Variants in BRAF observed in about 807,000 individuals in gnomAD.
BRAF encodes the protein serine/threonine-protein kinase B-raf.
Under a neutral mutation model 104.6 loss-of-function variants are expected in BRAF, and 16 were observed. That is an observed-to-expected ratio of 0.15 (90% CI 0.10 to 0.23). The LOEUF is 0.23. Ranked by LOEUF, BRAF falls within the 10% of genes least tolerant of loss-of-function variation. The pLI, the probability that BRAF is intolerant of heterozygous loss-of-function variation, is 1.00. For missense variants in BRAF, 541 were observed against 937.3 expected (o/e 0.58, Z 5.52); for synonymous variants, 310 against 341.6 (o/e 0.91, Z 1.02).
chr7:140,832,550 C>T (rs1390817625), intron 3 of BRAF, among the ~76,000 whole-genome samples: 1 of 152,124 alleles, frequency 6.6e-6, no homozygotes, highest in African/African-American at 2.4e-5. Flanking sequence ...AAATAACGTT[C>T]TTGAAAGAGT....
In BRAF at chr7:140,794,436, T is replaced by C. The variant is rs756332987; in HGVS notation, c.1012A>G (p.Lys338Glu). Residue 338 changes from lysine to glutamate, a missense_variant, in exon 8 of 20, where the codon AAA becomes GAA. Coordinates refer to ENST00000644969, the MANE Select transcript of BRAF (RefSeq NM_001374258.1). ...AAGGGCTGTGGAATTGGAATGGATT[T>C]TGAAGGAGACGGACTGGTGAGAATT... is the stretch of plus-strand genomic sequence containing the variant. The part of the protein sequence containing the change: ...PQILTSPSPS[K>E]SIPIPQPFRP... 21 of 1,614,080 alleles carry C rather than the reference T, an allele frequency of 1.3e-5. No homozygotes were observed. The South Asian group carries it at 2.3e-4, about 18-fold the overall frequency.
At chr7:140,891,069 T>C (rs1159158385) in intron 1 of BRAF, among the ~76,000 whole-genome samples, 1 of 152,148 alleles carries the variant, frequency 6.6e-6, no homozygotes, top group Admixed American at 6.6e-5. Context: ...ACAGTAGAGG[T>C]ATACAGTTAT....
At chr7:140,767,118 C>G (rs1002099422) in intron 14 of BRAF, among the ~76,000 whole-genome samples, 1 of 152,112 alleles carries the variant, frequency 6.6e-6, no homozygotes, top group East Asian at 1.9e-4. Context: ...ATCCACTTGT[C>G]TCAGCTTCCC....
At chr7:140,788,702 C>T (rs534309977) in intron 8 of BRAF, among the ~76,000 whole-genome samples, 193 of 152,080 alleles carry the variant, frequency 1.3e-3, no homozygotes, top group African/African-American at 4.4e-3. Context: ...GATCCTCCTG[C>T]CTCAGCCTCC....
chr7:140,772,769 G>A (rs1799977847), intron 14 of BRAF, among the ~76,000 whole-genome samples: 1 of 152,130 alleles, frequency 6.6e-6, no homozygotes, highest in African/African-American at 2.4e-5. Context: ...AACTTGGTTT[G>A]TAAAAAATTT....
intron 1 of BRAF, among the ~76,000 whole-genome samples, chr7:140,873,151 C>A (rs1811805190): frequency 6.9e-6 from 1 of 144,040 alleles, no homozygotes; most frequent in South Asian, 2.3e-4. Flanking sequence ...TGAGTAAGAA[C>A]ATCACAGTCT....
chr7:140,840,537 T>A (rs1327403202), intron 2 of BRAF, among the ~76,000 whole-genome samples: 1 of 151,946 alleles, frequency 6.6e-6, no homozygotes, highest in Admixed American at 6.6e-5. Context: ...ATACCTGTAA[T>A]CCCAGCACTT....
At chr7:140,782,461 T>C (rs1374188498) in intron 11 of BRAF, among the ~76,000 whole-genome samples, 2 of 112,470 alleles carry the variant, frequency 1.8e-5, no homozygotes, top group African/African-American at 6.0e-5. Flanking sequence ...ATTCGGTCTT[T>C]CCAAAAAAAA....
intron 1 of BRAF, among the ~76,000 whole-genome samples, chr7:140,857,472 T>G (rs965717038): frequency 1.3e-5 from 2 of 152,232 alleles, no homozygotes; most frequent in African/African-American, 4.8e-5. Flanking sequence ...CCAAGTTTGT[T>G]GTTATTTATT....
chr7:140,889,975 C>T (rs1335465938), intron 1 of BRAF, among the ~76,000 whole-genome samples: 1 of 152,196 alleles, frequency 6.6e-6, no homozygotes, highest in African/African-American at 2.4e-5. Context: ...AGCTGCATAA[C>T]CTTTCTAAAC....
chr7:140,720,737 C>T lies in BRAF; in HGVS notation c.*5757G>A. ...GAGCTTTGTTGTTTATGCTAGTTTGCAGTGACTTCCAACTCATACTCCACC... is the reference window on the plus strand; with the variant it reads ...GAGCTTTGTTGTTTATGCTAGTTTGTAGTGACTTCCAACTCATACTCCACC... On this transcript the variant is annotated 3_prime_UTR_variant, in exon 20 of 20. Transcript: ENST00000644969. The T allele has an allele frequency of 9.4e-7, 1 of 1,065,754 alleles. No homozygotes were observed. The highest frequency in any genetic ancestry group is 1.6e-5 in the African/African-American group (1 of 61,210). 66.0% of individuals were successfully genotyped at this position (1,065,754 alleles called of 1,614,324 possible). A position where few individuals can be genotyped will look rare whatever the true frequency, so the allele number is the denominator to read the frequency against.
At chr7:140,789,220 A>AAC (rs1365084813) in intron 8 of BRAF, among the ~76,000 whole-genome samples, 1 of 116,386 alleles carries the variant, frequency 8.6e-6, no homozygotes, top group African/African-American at 3.9e-5. Flanking sequence ...GAAAAAAAAC[A>AAC]AAAAAAAAAC....
rs538038352 is a variant in BRAF at position 140,814,467 on chromosome 7, C to A, written c.505-5472G>T. Among the ~76,000 whole-genome samples the A allele has an allele frequency of 2.0e-5, 3 of 152,098 alleles. 1 individual carries two copies. The highest frequency in any genetic ancestry group is 7.2e-5 in the African/African-American group (3 of 41,488). ...ATCACCTGAGGTCTGGAGTTCAAGA[C>A]CAGCCTGGCCAACATGGTGAAACCC... On this transcript the variant is annotated intron_variant, in intron 3 of 19. Transcript: ENST00000644969.
intron 1 of BRAF, among the ~76,000 whole-genome samples, chr7:140,909,524 G>C (rs1174697971): frequency 6.6e-6 from 1 of 152,080 alleles, no homozygotes; most frequent in Non-Finnish European, 1.5e-5. Context: ...ATGGTACTTT[G>C]TACATATATA....
intron 1 of BRAF, among the ~76,000 whole-genome samples, chr7:140,903,242 T>A (rs1293392852): frequency 6.6e-6 from 1 of 152,152 alleles, no homozygotes; most frequent in Non-Finnish European, 1.5e-5. Context: ...ACGATGACTC[T>A]TATTAGAGGC....
chr7:140,783,145 C>T lies in BRAF; in HGVS notation c.1310G>A (p.Gly437Asp), dbSNP rs1554400237. The change falls in exon 11 of 20, where the codon GGT becomes GAT. Residue 437 changes from glycine to aspartate, a missense_variant. Gly to Asp is a moderately conservative substitution (Grantham distance 94). Around this residue, in one of 10 missense-constraint regions of BRAF, gnomAD observed 109 missense variants for 143.9 expected, o/e 0.76. Coordinates refer to ENST00000644969, the MANE Select transcript of BRAF (RefSeq NM_001374258.1). ...TGAGGCAGGGGGGGTAGCAGACAAA[C>T]CTGTGGTTGATCCTAAATTAGTGAA... ...PGPVFRGSTT[G>D]LSATPPASLP... The T allele has an allele frequency of 6.2e-7, 1 of 1,613,862 alleles. No individual in the cohort carries two copies. The highest frequency in any genetic ancestry group is 8.5e-7 in the Non-Finnish European group (1 of 1,179,958).
intron 1 of BRAF, among the ~76,000 whole-genome samples, chr7:140,897,338 A>G (rs1815049434): frequency 6.6e-6 from 1 of 152,160 alleles, no homozygotes; most frequent in Non-Finnish European, 1.5e-5. Flanking sequence ...ACATATGTAC[A>G]AATGGTGTTG....
chr7:140,873,166 CTTT>C lies in BRAF; in HGVS notation c.139-22957_139-22955del, dbSNP rs1165344332. On this transcript the variant is annotated intron_variant, in intron 1 of 19. Coordinates refer to ENST00000644969, the MANE Select transcript of BRAF (RefSeq NM_001374258.1). ...TGAGTAAGAACATCACAGTCTGTGG[CTTT>C]TTTTTTTTTTTTTTTTTTTTGAGAC... Among the ~76,000 whole-genome samples the C allele has an allele frequency of 5.9e-4, 58 of 99,144 alleles. No homozygotes were observed. The East Asian group carries it at 0.01, about 18-fold the overall frequency. 65.0% of individuals were successfully genotyped at this position (99,144 alleles called of 152,430 possible).
chr7:140,787,619 C>A (rs201480963), intron 8 of BRAF, 35 bp from the exon 9 acceptor site: 2 of 1,576,754 alleles, frequency 1.3e-6, no homozygotes, highest in East Asian at 4.5e-5. Flanking sequence ...TTATTCCAAG[C>A]AAGCATATAA....
Sources: allele counts gnomAD v4.1 joint callset (sites outside exome capture counted in the v4.1 genomes callset), GRCh38; gene constraint gnomAD v4.1.1; regional missense constraint gnomAD v4.1.1; transcripts MANE v1.5; gene names NCBI Gene and HGNC (gene_info 2026-07-23, HGNC 2026-07-21).